PLCH2: variants seen among roughly 807,000 people sequenced by gnomAD.
PLCH2 encodes the protein 1-phosphatidylinositol 4,5-bisphosphate phosphodiesterase eta-2.
A neutral mutation model predicts 134.7 loss-of-function variants in PLCH2; 98 were observed. The ratio of observed to expected loss-of-function variants is 0.73; its 90% CI spans 0.62 to 0.86. PLCH2 has a LOEUF of 0.86. Ranked by LOEUF, PLCH2 falls within the 40% of genes least tolerant of loss-of-function variation. The probability of loss-of-function intolerance (pLI) is 0.00; values close to 1 mark genes in which losing one functional copy is unlikely to be tolerated. For missense variants in PLCH2, 1,994 were observed against 1,986.6 expected (o/e 1.00, Z -0.07); for synonymous variants, 974 against 827.5 (o/e 1.18, Z -3.04).
intron 13 of PLCH2, 145 bp from the exon 14 acceptor site, chr1:2,496,462 G>A (rs1642890026): frequency 7.2e-6 from 5 of 699,150 alleles, no homozygotes; most frequent in South Asian, 5.4e-5. Flanking sequence ...CGCAGCCCGC[G>A]GCCCAGTCTG....
intron 2 of PLCH2, among the ~76,000 whole-genome samples, chr1:2,432,075 G>A (rs912533666): frequency 2.6e-5 from 4 of 152,142 alleles, no homozygotes; most frequent in South Asian, 2.1e-4. Context: ...ATGGAGCCTC[G>A]TGCATTTACC....
chr1:2,502,452 T>C, intron 21 of PLCH2, 43 bp downstream of exon 21: 2 of 1,528,014 alleles, frequency 1.3e-6, no homozygotes, highest in Non-Finnish European at 1.8e-6. Flanking sequence ...CCTGTGCGAG[T>C]GCGGCCCCCG....
intron 8 of PLCH2, 88 bp downstream of exon 8, chr1:2,487,806 CCTTT>C: frequency 7.7e-7 from 1 of 1,294,228 alleles, no homozygotes; most frequent in South Asian, 1.4e-5. Context: ...ACCCACATGT[CCTTT>C]CTTTGGGAGC....
At chr1:2,486,862 G>C (rs916710716) in intron 5 of PLCH2, 45 bp from the exon 6 acceptor site, 7 of 1,497,320 alleles carry the variant, frequency 4.7e-6, no homozygotes, top group Non-Finnish European at 6.4e-6. Flanking sequence ...GGCTATCCCA[G>C]GCCAGGGATG....
chr1:2,497,709 G>C (rs938671450), intron 16 of PLCH2, 100 bp downstream of exon 16: 1 of 840,398 alleles, frequency 1.2e-6, no homozygotes, highest in African/African-American at 1.7e-5. Context: ...CTAGCAAGGG[G>C]GTGGGGGCGG....
intron 11 of PLCH2, chr1:2,492,963 T>A (rs1256135076): frequency 1.3e-5 from 2 of 152,132 alleles, no homozygotes; most frequent in Non-Finnish European, 2.9e-5. Flanking sequence ...TGAGTGCTTG[T>A]GCAGCCAACA....
chr1:2,479,812 A>AC lies in PLCH2; in HGVS notation c.354dup (p.Asn119GlnfsTer61). ...CAGCGCTACCCTGACGGCAGCTTCGACCCCAACTGCTGCTTCAGCATCTAC... is the reference window on the plus strand; with the variant it reads ...CAGCGCTACCCTGACGGCAGCTTCGACCCCCAACTGCTGCTTCAGCATCTAC... On this transcript the variant is annotated frameshift_variant, in exon 3 of 22. Transcript: ENST00000378486. LOFTEE classifies it high-confidence loss of function. The AC allele has an allele frequency of 6.3e-7, 1 of 1,599,610 alleles. No individual in the cohort carries two copies. Among genetic ancestry groups the AC allele is most frequent in the Non-Finnish European group, 8.5e-7 (1 of 1,174,064 alleles).
intron 6 of PLCH2, 53 bp downstream of exon 6, chr1:2,487,053 C>T (rs148661133): frequency 1.4e-4 from 217 of 1,531,960 alleles, no homozygotes; most frequent in Non-Finnish European, 1.6e-4. Context: ...GGAGGGGCAA[C>T]GAGGGCCCAA....
intron 1 of PLCH2, among the ~76,000 whole-genome samples, chr1:2,468,399 C>T (rs1248978940): frequency 6.6e-6 from 1 of 152,234 alleles, no homozygotes; most frequent in South Asian, 2.1e-4. Flanking sequence ...GCAGGGGTGG[C>T]GGAAGCCCCG....
intron 8 of PLCH2, among the ~76,000 whole-genome samples, chr1:2,488,561 C>T (rs1642399307): frequency 6.6e-6 from 1 of 152,250 alleles, no homozygotes; most frequent in Non-Finnish European, 1.5e-5. Flanking sequence ...CCCTCTTGCT[C>T]TGGGTCACTT....
chr1:2,496,562 C>T, intron 13 of PLCH2, 45 bp from the exon 14 acceptor site: 1 of 1,507,582 alleles, frequency 6.6e-7, no homozygotes, highest in South Asian at 1.2e-5. Context: ...GGGTGCCAGG[C>T]TGGCCCTGGA....
Position 2,476,333 on chromosome 1 carries a change from C to A in PLCH2, c.-256C>A, listed in dbSNP as rs746551954. The A allele has an allele frequency of 9.8e-5, 39 of 398,092 alleles. No individual in the cohort carries two copies. The highest frequency in any genetic ancestry group is 1.5e-4 in the Non-Finnish European group (34 of 225,098). The allele number at this position is 398,092 out of a possible 1,614,324, so 24.7% of individuals were successfully genotyped here. On this transcript the variant is annotated 5_prime_UTR_variant, in exon 1 of 22. Transcript: ENST00000378486. ...TTGGGAGGCGGCTGCGTCAGGGATT[C>A]CTTGGTGGCCCTGGAGGGTGGATAG...
At position 2,498,548 on chromosome 1, in the gene PLCH2, C is replaced by A. The variant is rs776569044; in HGVS notation, c.2250C>A (p.Asp750Glu). Residue 750 changes from aspartate to glutamate, a missense_variant, in exon 17 of 22, where the codon GAC becomes GAA. By Grantham distance (45) the Asp-to-Glu change is conservative. Around this residue, in one of 2 missense-constraint regions of PLCH2, gnomAD observed 1,094 missense variants for 1,234.3 expected, o/e 0.89. Coordinates refer to ENST00000378486, the MANE Select transcript of PLCH2 (RefSeq NM_014638.4). The surrounding 1 kb of genome is among the most constrained non-coding windows in gnomAD (Gnocchi z 5.4). ...CQGVFNPNSE[D>E]PLPGQLKKQL... ...GCGTGTTCAACCCCAACTCGGAGGACCCCCTGCCCGGGCAGCTCAAGAAGC... is the reference window on the plus strand; with the variant it reads ...GCGTGTTCAACCCCAACTCGGAGGAACCCCTGCCCGGGCAGCTCAAGAAGC... 5 of 1,607,678 alleles carry A rather than the reference C, an allele frequency of 3.1e-6. No individual in the cohort carries two copies. The African/African-American group carries it at 4.0e-5, about 13-fold the overall frequency.
intron 7 of PLCH2, 103 bp from the exon 8 acceptor site, chr1:2,487,495 C>T: frequency 6.7e-7 from 1 of 1,495,310 alleles, no homozygotes; most frequent in Non-Finnish European, 9.1e-7. Context: ...CTTCTGTGTC[C>T]CTCACTGAGC....
upstream of PLCH2, among the ~76,000 whole-genome samples, chr1:2,471,695 G>A (rs1202597562): frequency 2.0e-5 from 3 of 152,182 alleles, no homozygotes; most frequent in African/African-American, 7.2e-5. Flanking sequence ...GTCAGGTGGC[G>A]CGGCCGATGG....
At chr1:2,416,795 T>C in the PLCH2 span, among the ~76,000 whole-genome samples, 1 of 152,126 alleles carries the variant, frequency 6.6e-6, no homozygotes, top group East Asian at 1.9e-4. Context: ...TGGGCTGGCC[T>C]GGGAAGTGAT....
At chr1:2,437,999 A>G (rs1639514026) in intron 2 of PLCH2, among the ~76,000 whole-genome samples, 1 of 152,170 alleles carries the variant, frequency 6.6e-6, no homozygotes, top group African/African-American at 2.4e-5. Flanking sequence ...AGCATCCGCC[A>G]AGGTCCCTCC....
chr1:2,485,069 G>C (rs986152309), intron 5 of PLCH2, among the ~76,000 whole-genome samples: 1 of 151,982 alleles, frequency 6.6e-6, no homozygotes, highest in Non-Finnish European at 1.5e-5. Flanking sequence ...TGGCTGACTC[G>C]CTCCCCTAGG....
At chr1:2,465,769 C>T (rs929042053), upstream of PLCH2, among the ~76,000 whole-genome samples, 1 of 152,032 alleles carries the variant, frequency 6.6e-6, no homozygotes, top group Non-Finnish European at 1.5e-5. Context: ...GAGTGGCGGG[C>T]GGGGCTGGCC....
Sources: gnomAD v4.1 joint callset for allele counts (sites outside exome capture counted in the v4.1 genomes callset) on GRCh38, gnomAD v4.1.1 for gene constraint, gnomAD v4.1.1 regional missense constraint, Gnocchi (gnomAD v3.1) non-coding constraint, MANE v1.5 for transcripts, NCBI Gene and HGNC (gene_info 2026-07-23, HGNC 2026-07-21) for gene names.